Variants in FSTL5 observed in about 807,000 individuals in gnomAD.
FSTL5 encodes follistatin like 5.
FSTL5 carries 62 observed loss-of-function variants against 89.1 expected under a neutral mutation model. The observed-to-expected ratio is 0.70, with a 90% confidence interval of 0.57 to 0.86. The LOEUF is 0.86. FSTL5 is among the 40% of genes least tolerant of loss of function. FSTL5 has a pLI of 0.00. For missense variants in FSTL5, 1,057 were observed against 1,001.6 expected (o/e 1.06, Z -0.75); for synonymous variants, 383 against 346.2 (o/e 1.11, Z -1.18).
chr4:161,803,730 G>T (rs575346571), intron 4 of FSTL5, among the ~76,000 whole-genome samples: 1 of 152,038 alleles, frequency 6.6e-6, no homozygotes, highest in East Asian at 1.9e-4. Flanking sequence ...GTAATAACTA[G>T]ATGTTTAGTG....
chr4:161,490,379 T>A (rs747293475), intron 12 of FSTL5, among the ~76,000 whole-genome samples: 1 of 152,108 alleles, frequency 6.6e-6, no homozygotes, highest in South Asian at 2.1e-4. Context: ...ACAGGTTTTA[T>A]TAATTACTTT....
intron 6 of FSTL5, among the ~76,000 whole-genome samples, chr4:161,680,053 T>C (rs1300997793): frequency 6.6e-6 from 1 of 151,912 alleles, no homozygotes; most frequent in Non-Finnish European, 1.5e-5. Flanking sequence ...AAACATAATT[T>C]CATGATGTAA....
At position 162,053,664 on chromosome 4, in the gene FSTL5, T is replaced by G. The variant is rs150672143; in HGVS notation, c.127-20006A>C. On this transcript the variant is annotated intron_variant, in intron 2 of 15. Coordinates refer to ENST00000306100, the MANE Select transcript of FSTL5 (RefSeq NM_020116.5). Reference sequence around the variant, plus strand: ...CTAACACATGTAAGGTATAAGATCCTTTTATATGAATGATTAGGATAGTTT... The same window carrying G: ...CTAACACATGTAAGGTATAAGATCCGTTTATATGAATGATTAGGATAGTTT... 3.4e-3 allele frequency among the ~76,000 whole-genome samples: 509 copies of G among 151,892 alleles called. 3 individuals are homozygous for G. Among genetic ancestry groups the G allele is most frequent in the African/African-American group, 0.012 (492 of 41,536 alleles).
chr4:161,590,702 T>C (rs1168800079), intron 7 of FSTL5, among the ~76,000 whole-genome samples: 1 of 152,230 alleles, frequency 6.6e-6, no homozygotes, highest in African/African-American at 2.4e-5. Flanking sequence ...GAGATACTAC[T>C]TCATATGCTC....
intron 4 of FSTL5, among the ~76,000 whole-genome samples, chr4:161,852,476 G>A (rs1295186684): frequency 6.6e-6 from 1 of 152,164 alleles, no homozygotes; most frequent in African/African-American, 2.4e-5. Context: ...TTCTGGTGAA[G>A]TGGTGGAGAC....
At chr4:161,629,604 G>A (rs1735434219) in intron 7 of FSTL5, among the ~76,000 whole-genome samples, 1 of 152,128 alleles carries the variant, frequency 6.6e-6, no homozygotes, top group Non-Finnish European at 1.5e-5. Flanking sequence ...CTCGGCCTCT[G>A]AAAGTGCTGG....
chr4:161,582,549 A>G (rs12644213), intron 8 of FSTL5, among the ~76,000 whole-genome samples: 52,752 of 152,108 alleles, frequency 0.35, 9,948 homozygotes, highest in East Asian at 0.71. Context: ...TGCCAAGTAC[A>G]AAACACCATA....
chr4:161,388,972 T>A (rs1002638104), intron 15 of FSTL5, among the ~76,000 whole-genome samples: 3 of 152,162 alleles, frequency 2.0e-5, no homozygotes, highest in African/African-American at 7.2e-5. Flanking sequence ...TGTGGGGTGA[T>A]AAAATTACAT....
intron 7 of FSTL5, among the ~76,000 whole-genome samples, chr4:161,618,106 A>T (rs1485414367): frequency 1.3e-5 from 2 of 148,392 alleles, no homozygotes; most frequent in Non-Finnish European, 3.0e-5. Context: ...GAGTTCACTC[A>T]TGATTTGGCT....
Position 161,975,685 on chromosome 4 carries a change from A to G in FSTL5, c.161-55033T>C, listed in dbSNP as rs894000385. Among the ~76,000 whole-genome samples the G allele has an allele frequency of 4.6e-5, 7 of 151,894 alleles. No homozygotes were observed. In the South Asian group the frequency reaches 8.3e-4, roughly 18 times the overall value. On this transcript the variant is annotated intron_variant, in intron 3 of 15. Coordinates refer to ENST00000306100, the MANE Select transcript of FSTL5 (RefSeq NM_020116.5). ...GAGTTAGTGGGTGCAGCGCACCAGC[A>G]TGGCACATGTATACATATGTAACTA...
At chr4:162,140,370 G>A (rs1381775155) in intron 1 of FSTL5, among the ~76,000 whole-genome samples, 1 of 152,066 alleles carries the variant, frequency 6.6e-6, no homozygotes, top group East Asian at 1.9e-4. Context: ...CAACCCAAGA[G>A]CCCATCACTA....
intron 2 of FSTL5, among the ~76,000 whole-genome samples, chr4:162,075,888 C>A (rs925434879): frequency 4.6e-5 from 7 of 151,768 alleles, no homozygotes; most frequent in African/African-American, 1.7e-4. Flanking sequence ...TTCAGAAGTC[C>A]CTGTGTGGGT....
chr4:162,097,134 G>T (rs1730794234), intron 2 of FSTL5, among the ~76,000 whole-genome samples: 1 of 151,720 alleles, frequency 6.6e-6, no homozygotes, highest in Non-Finnish European at 1.5e-5. Context: ...TCTAGTTTGT[G>T]TATATTTAAT....
At chr4:162,039,919 G>A (rs1737884602) in intron 2 of FSTL5, among the ~76,000 whole-genome samples, 2 of 151,972 alleles carry the variant, frequency 1.3e-5, no homozygotes, top group Admixed American at 6.6e-5. Flanking sequence ...GTGTCCTTAT[G>A]TATATATACT....
chr4:161,952,100 T>G (rs2110955393), intron 3 of FSTL5, among the ~76,000 whole-genome samples: 1 of 152,066 alleles, frequency 6.6e-6, no homozygotes, highest in Middle Eastern at 3.4e-3. Flanking sequence ...AAATATAACT[T>G]GACAAATAAA....
chr4:161,970,171 C>T (rs1735442101), intron 3 of FSTL5, among the ~76,000 whole-genome samples: 1 of 151,982 alleles, frequency 6.6e-6, no homozygotes, highest in Non-Finnish European at 1.5e-5. Flanking sequence ...TTTCCACTAT[C>T]AAAATAGTCC....
At chr4:161,654,064 T>G (rs1457178180) in intron 7 of FSTL5, among the ~76,000 whole-genome samples, 1 of 147,852 alleles carries the variant, frequency 6.8e-6, no homozygotes, top group East Asian at 1.9e-4. Context: ...GTGCAAGAAC[T>G]TATCTTATAT....
At chr4:161,386,787 T>C (rs556034014) in intron 15 of FSTL5, 1 of 189,004 alleles carries the variant, frequency 5.3e-6, no homozygotes, top group East Asian at 1.3e-4. Context: ...CCATGTAATA[T>C]TAAATAAGCT....
At chr4:161,758,206 T>A (rs548414532) in intron 6 of FSTL5, among the ~76,000 whole-genome samples, 1 of 152,300 alleles carries the variant, frequency 6.6e-6, no homozygotes. Flanking sequence ...CATGAATTTT[T>A]AAGAAGAAAA....
Sources: allele counts gnomAD v4.1 joint callset (sites outside exome capture counted in the v4.1 genomes callset), GRCh38; gene constraint gnomAD v4.1.1; transcripts MANE v1.5; gene names NCBI Gene and HGNC (gene_info 2026-07-23, HGNC 2026-07-21).